ARSB: variants seen among roughly 807,000 people sequenced by gnomAD.
ARSB encodes arylsulfatase B.
ARSB carries 41 observed loss-of-function variants against 50.9 expected under a neutral mutation model. The observed-to-expected ratio is 0.81, with a 90% confidence interval of 0.63 to 1.04. ARSB has a LOEUF of 1.04. ARSB is among the 50% of genes least tolerant of loss of function. ARSB has a pLI of 0.00. For missense variants in ARSB, 672 were observed against 693.3 expected (o/e 0.97, Z 0.35); for synonymous variants, 269 against 284.8 (o/e 0.94, Z 0.56).
At chr5:78,956,815 A>G (rs1751748484) in intron 3 of ARSB, among the ~76,000 whole-genome samples, 1 of 152,174 alleles carries the variant, frequency 6.6e-6, no homozygotes, top group African/African-American at 2.4e-5. Context: ...CCGAAGAGCA[A>G]TTTCCTATTG....
At chr5:78,850,520 CT>C (rs1234560949) in intron 5 of ARSB, among the ~76,000 whole-genome samples, 1 of 151,964 alleles carries the variant, frequency 6.6e-6, no homozygotes, top group African/African-American at 2.4e-5. Context: ...CTAAAATTCT[CT>C]TTTTTGGTTG....
intron 4 of ARSB, among the ~76,000 whole-genome samples, chr5:78,922,961 TG>T (rs1749894687): frequency 6.6e-6 from 1 of 152,174 alleles, no homozygotes; most frequent in African/African-American, 2.4e-5. Flanking sequence ...TCCAACCTGC[TG>T]TGAGTTGGTC....
chr5:78,780,516 C>T lies in ARSB; in HGVS notation c.1483G>A (p.Val495Ile), dbSNP rs138643812. 123 of 1,614,056 alleles carry T rather than the reference C, an allele frequency of 7.6e-5. No individual in the cohort carries two copies. Among genetic ancestry groups the T allele is most frequent in the Non-Finnish European group, 9.8e-5 (116 of 1,180,012 alleles). Residue 495 changes from valine to isoleucine, a missense_variant, in exon 8 of 8, where the codon GTC becomes ATC. Transcript: ENST00000264914. ...TGTAGGCGGGACAGGAGCTTTGTGACGATGTGAGGATATTCTCTGGACAGG... is the reference window on the plus strand; with the variant it reads ...TGTAGGCGGGACAGGAGCTTTGTGATGATGTGAGGATATTCTCTGGACAGG... ...HDLSREYPHI[V>I]TKLLSRLQFY...
chr5:78,802,396 T>C (rs552825318), intron 6 of ARSB, among the ~76,000 whole-genome samples: 1 of 151,950 alleles, frequency 6.6e-6, no homozygotes, highest in Non-Finnish European at 1.5e-5. Context: ...AAAGCAGGGA[T>C]CATGACTCTT....
chr5:78,858,269 C>T (rs1581051850), intron 5 of ARSB, among the ~76,000 whole-genome samples: 1 of 152,134 alleles, frequency 6.6e-6, no homozygotes, highest in African/African-American at 2.4e-5. Context: ...TTTTTCTTCA[C>T]CCTCTTCTCT....
At chr5:78,811,593 C>A (rs1210329665) in intron 6 of ARSB, among the ~76,000 whole-genome samples, 3 of 152,190 alleles carry the variant, frequency 2.0e-5, no homozygotes, top group Non-Finnish European at 2.9e-5. Context: ...GAAGAAATAA[C>A]CATGTTAACC....
chr5:78,952,855 A>G (rs421734), intron 4 of ARSB, among the ~76,000 whole-genome samples: 79,518 of 151,690 alleles, frequency 0.52, 20,861 homozygotes, highest in East Asian at 0.67. Flanking sequence ...ATGACTTCCA[A>G]TTCTTGCAAC....
intron 6 of ARSB, among the ~76,000 whole-genome samples, chr5:78,832,088 C>T (rs144250737): frequency 9.9e-5 from 15 of 151,770 alleles, no homozygotes; most frequent in East Asian, 7.8e-4. Flanking sequence ...GGGGAAAACA[C>T]GTGAATATAA....
chr5:78,899,216 C>CT (rs1191820401), intron 4 of ARSB, among the ~76,000 whole-genome samples: 10 of 152,250 alleles, frequency 6.6e-5, no homozygotes, highest in African/African-American at 2.4e-4. Flanking sequence ...TTATTTGCTT[C>CT]TTTTCTCTGC....
chr5:78,976,708 C>T (rs1648946425), intron 1 of ARSB, among the ~76,000 whole-genome samples: 2 of 152,280 alleles, frequency 1.3e-5, no homozygotes, highest in South Asian at 2.1e-4. Context: ...ACTGTATTTC[C>T]TTAAAATATG....
intron 5 of ARSB, among the ~76,000 whole-genome samples, chr5:78,864,095 G>A (rs551806534): frequency 6.6e-6 from 1 of 151,978 alleles, no homozygotes; most frequent in East Asian, 2.0e-4. Context: ...ACAACCCTCT[G>A]AGACCTGAAG....
chr5:78,922,870 C>T (rs1749891744), intron 4 of ARSB, among the ~76,000 whole-genome samples: 2 of 151,970 alleles, frequency 1.3e-5, no homozygotes, highest in South Asian at 2.1e-4. Context: ...GATCCTCCCG[C>T]CTCGGCCTCC....
intron 4 of ARSB, 140 bp from the exon 5 acceptor site, chr5:78,885,967 A>C: frequency 7.3e-7 from 1 of 1,373,940 alleles, no homozygotes; most frequent in Non-Finnish European, 1.0e-6. Flanking sequence ...CCCACCCTAA[A>C]TTCCCTTTTC....
At chr5:78,894,531 A>C (rs1157739402) in intron 4 of ARSB, among the ~76,000 whole-genome samples, 1 of 152,196 alleles carries the variant, frequency 6.6e-6, no homozygotes, top group African/African-American at 2.4e-5. Context: ...CCAGATTCTA[A>C]AGGATCTCAC....
chr5:78,820,600 T>C (rs1311939893), intron 6 of ARSB, among the ~76,000 whole-genome samples: 1 of 152,164 alleles, frequency 6.6e-6, no homozygotes, highest in Non-Finnish European at 1.5e-5. Context: ...CACTGCTACA[T>C]GACTGGCTAA....
chr5:78,951,533 G>GA (rs1751493798), intron 4 of ARSB, among the ~76,000 whole-genome samples: 4 of 152,000 alleles, frequency 2.6e-5, no homozygotes, highest in Admixed American at 2.6e-4. Context: ...AAGGATGAGA[G>GA]AAAAGCTGAA....
chr5:78,854,216 G>A (rs898933397), intron 5 of ARSB, among the ~76,000 whole-genome samples: 8 of 152,164 alleles, frequency 5.3e-5, no homozygotes, highest in Middle Eastern at 3.4e-3. Context: ...CCAGATCTCC[G>A]TGAATTTTGT....
At chr5:78,935,638 G>C (rs1750542825) in intron 4 of ARSB, among the ~76,000 whole-genome samples, 1 of 152,198 alleles carries the variant, frequency 6.6e-6, no homozygotes, top group African/African-American at 2.4e-5. Context: ...CCAAAGGCTA[G>C]AAATGGTTTA....
At chr5:78,873,548 T>G (rs568043462) in intron 5 of ARSB, among the ~76,000 whole-genome samples, 25 of 121,970 alleles carry the variant, frequency 2.0e-4, no homozygotes, top group Admixed American at 6.3e-4. Context: ...CAGGCTGGAG[T>G]GCAGTGGCGG....
Sources: gnomAD v4.1 joint callset for allele counts (sites outside exome capture counted in the v4.1 genomes callset) on GRCh38, gnomAD v4.1.1 for gene constraint, MANE v1.5 for transcripts, NCBI Gene and HGNC (gene_info 2026-07-23, HGNC 2026-07-21) for gene names.